The following MNAT1 variants were observed in gnomAD, a reference collection of about 807,000 sequenced individuals.
The protein encoded by MNAT1 is MNAT1 component of CDK activating kinase.
MNAT1 carries 43 observed loss-of-function variants against 42.0 expected under a neutral mutation model. The observed-to-expected ratio is 1.02, with a 90% confidence interval of 0.80 to 1.32. The LOEUF is 1.32. MNAT1 is among the 40% of genes most tolerant of loss of function. The pLI is 0.00. For missense variants in MNAT1, 306 were observed against 350.4 expected (o/e 0.87, Z 1.01); for synonymous variants, 118 against 120.0 (o/e 0.98, Z 0.11).
chr14:60,910,049 A>C (rs1464414578), intron 7 of MNAT1, among the ~76,000 whole-genome samples: 2 of 152,148 alleles, frequency 1.3e-5, no homozygotes, highest in Non-Finnish European at 2.9e-5. Flanking sequence ...CATCCCTTGT[A>C]AGTTGGATTC....
At chr14:60,907,987 A>G (rs563882861) in intron 7 of MNAT1, among the ~76,000 whole-genome samples, 1 of 152,256 alleles carries the variant, frequency 6.6e-6, no homozygotes, top group South Asian at 2.1e-4. Flanking sequence ...AACAAAAAGT[A>G]TTCTCCAGGT....
chr14:60,823,549 T>C (rs570889696), intron 6 of MNAT1, among the ~76,000 whole-genome samples: 4 of 152,366 alleles, frequency 2.6e-5, no homozygotes, highest in African/African-American at 9.6e-5. Flanking sequence ...TCATTACCTT[T>C]TATATCTAAG....
At chr14:60,866,145 A>T (rs949435304) in intron 6 of MNAT1, among the ~76,000 whole-genome samples, 6 of 152,112 alleles carry the variant, frequency 3.9e-5, no homozygotes, top group Non-Finnish European at 7.4e-5. Context: ...ATTTTGAAAC[A>T]GCATAGATGC....
chr14:60,967,091 G>A (rs1594919331), intron 7 of MNAT1, among the ~76,000 whole-genome samples: 1 of 152,264 alleles, frequency 6.6e-6, no homozygotes, highest in East Asian at 1.9e-4. Flanking sequence ...TTGTGGCAAT[G>A]TGAATAAATT....
At chr14:60,817,375 C>T (rs151109454) in intron 5 of MNAT1, among the ~76,000 whole-genome samples, 289 of 151,760 alleles carry the variant, frequency 1.9e-3, no homozygotes, top group African/African-American at 6.8e-3. Flanking sequence ...ATCACTTTTC[C>T]TTCATTATTG....
At chr14:60,751,349 T>C (rs1443469858) in intron 1 of MNAT1, among the ~76,000 whole-genome samples, 1 of 152,152 alleles carries the variant, frequency 6.6e-6, no homozygotes. Flanking sequence ...ATCATTTTGA[T>C]CTACTTAGAA....
At chr14:60,860,510 A>T (rs2139432991) in intron 6 of MNAT1, among the ~76,000 whole-genome samples, 1 of 150,706 alleles carries the variant, frequency 6.6e-6, no homozygotes, top group Non-Finnish European at 1.5e-5. Context: ...CCACCACCAC[A>T]CCTGGCTAAT....
At chr14:60,938,485 CAT>C (rs1427494774) in intron 7 of MNAT1, among the ~76,000 whole-genome samples, 1 of 152,072 alleles carries the variant, frequency 6.6e-6, no homozygotes, top group Middle Eastern at 3.2e-3. Context: ...TTGAGATAAT[CAT>C]GTGTTTTTTG....
chr14:60,948,541 C>T (rs1176784647), intron 7 of MNAT1, among the ~76,000 whole-genome samples: 2 of 152,174 alleles, frequency 1.3e-5, no homozygotes, highest in African/African-American at 4.8e-5. Flanking sequence ...AGAAAACCCT[C>T]TTTGCTTCTT....
intron 5 of MNAT1, among the ~76,000 whole-genome samples, chr14:60,815,450 T>G (rs1393985064): frequency 6.6e-6 from 1 of 152,106 alleles, no homozygotes. Context: ...CTACTGACCT[T>G]GTGATCCACC....
chr14:60,886,267 T>A (rs1283474160), intron 7 of MNAT1, among the ~76,000 whole-genome samples: 3 of 152,046 alleles, frequency 2.0e-5, no homozygotes, highest in Non-Finnish European at 4.4e-5. Context: ...ATAATTTTTT[T>A]CTGTTTGTAT....
chr14:60,865,969 G>A (rs931687816), intron 6 of MNAT1, among the ~76,000 whole-genome samples: 1 of 151,964 alleles, frequency 6.6e-6, no homozygotes, highest in African/African-American at 2.4e-5. Context: ...GCCTTCAGAG[G>A]TTCTCCCAAA....
chr14:60,881,809 A>G (rs546697780), intron 7 of MNAT1, among the ~76,000 whole-genome samples: 179 of 152,134 alleles, frequency 1.2e-3, no homozygotes, highest in Middle Eastern at 3.4e-3. Context: ...TATTTTAGTT[A>G]TTTTCGAATG....
intron 4 of MNAT1, 101 bp downstream of exon 4, chr14:60,808,529 A>G: frequency 1.4e-6 from 1 of 713,566 alleles, no homozygotes; most frequent in Non-Finnish European, 2.2e-6. Context: ...ACATTTATAG[A>G]AAATTTAGCT....
At chr14:60,762,491 C>G (rs1246129545) in intron 1 of MNAT1, among the ~76,000 whole-genome samples, 1 of 151,820 alleles carries the variant, frequency 6.6e-6, no homozygotes, top group Non-Finnish European at 1.5e-5. Context: ...ACCAGCCTGG[C>G]CCACTAATGT....
intron 6 of MNAT1, 31 bp from the exon 7 acceptor site, chr14:60,879,681 AAG>A: frequency 6.4e-7 from 1 of 1,567,832 alleles, no homozygotes; most frequent in South Asian, 1.2e-5. Context: ...AAATAATAAT[AAG>A]AGGTATTAAG....
chr14:60,874,032 T>C (rs1594821696), intron 6 of MNAT1, among the ~76,000 whole-genome samples: 2 of 152,330 alleles, frequency 1.3e-5, no homozygotes, highest in South Asian at 4.1e-4. Flanking sequence ...ACAGATGGTA[T>C]TACTAGGTCA....
intron 7 of MNAT1, among the ~76,000 whole-genome samples, chr14:60,961,155 T>A (rs1303732821): frequency 1.3e-5 from 2 of 151,950 alleles, no homozygotes; most frequent in Non-Finnish European, 2.9e-5. Flanking sequence ...AGAGATGGGG[T>A]TTCTCCATGT....
At chr14:60,966,179 T>C (rs1159489143) in intron 7 of MNAT1, among the ~76,000 whole-genome samples, 3 of 152,094 alleles carry the variant, frequency 2.0e-5, no homozygotes, top group Admixed American at 6.5e-5. Context: ...CAGGCTGGAG[T>C]GCAGTGGTGC....
Sources: allele counts gnomAD v4.1 joint callset (sites outside exome capture counted in the v4.1 genomes callset), GRCh38; gene constraint gnomAD v4.1.1; transcripts MANE v1.5; gene names NCBI Gene and HGNC (gene_info 2026-07-23, HGNC 2026-07-21).